Variants in POR observed in about 807,000 individuals in gnomAD.
POR encodes NADPH--cytochrome P450 reductase.
Under a neutral mutation model 84.0 loss-of-function variants are expected in POR, and 56 were observed. That is an observed-to-expected ratio of 0.67 (90% CI 0.54 to 0.83). The LOEUF (loss-of-function observed/expected upper bound fraction) is 0.83, where lower values mean the gene tolerates loss of function less well. Among genes scored for constraint, POR ranks in the 40% least tolerant of loss-of-function variants. POR has a pLI of 0.00. For missense variants in POR, 938 were observed against 944.3 expected, an observed-to-expected ratio of 0.99 and a Z score of 0.09; for synonymous variants, 414 against 400.5, an observed-to-expected ratio of 1.03 and a Z score of -0.40.
Position 75,985,715 on chromosome 7 carries a change from T to C in POR, c.1535T>C (p.Val512Ala), listed in dbSNP as rs1789403650. The C allele has an allele frequency of 5.7e-6, 9 of 1,587,568 alleles. No homozygotes were observed. The highest frequency in any genetic ancestry group is 7.7e-6 in the Non-Finnish European group (9 of 1,168,826). ...GGGGAGAACGGCGGCCGTGCGCTGG[T>C]GCCCATGTTCGTGCGCAAGTCCCAG... The change falls in exon 13 of 16, where the codon GTG becomes GCG. Residue 512 changes from valine to alanine, a missense_variant. Coordinates refer to ENST00000461988, the MANE Select transcript of POR (RefSeq NM_000941.3).
intron 3 of POR, among the ~76,000 whole-genome samples, chr7:75,973,958 G>C (rs782045795): frequency 1.3e-5 from 2 of 151,708 alleles, no homozygotes; most frequent in South Asian, 4.1e-4. Context: ...GATTACAGGC[G>C]TGAGCCACTG....
intron 1 of POR, among the ~76,000 whole-genome samples, chr7:75,949,549 G>A (rs1787322418): frequency 6.6e-6 from 1 of 151,372 alleles, no homozygotes; most frequent in South Asian, 2.1e-4. Flanking sequence ...CTGTTCTCCA[G>A]CACTCCAGGC....
chr7:75,986,113 G>A (rs781872825), intron 14 of POR, 45 bp downstream of exon 14: 15 of 1,581,598 alleles, frequency 9.5e-6, no homozygotes, highest in Middle Eastern at 1.7e-4. Context: ...AGGCTGGCAG[G>A]GCCACAGCCA....
chr7:75,952,780 C>A (rs548286889), intron 1 of POR, among the ~76,000 whole-genome samples: 3 of 151,676 alleles, frequency 2.0e-5, no homozygotes, highest in African/African-American at 7.3e-5. Flanking sequence ...GGAGAAGAGG[C>A]GCTCCTCACT....
At position 75,986,220 on chromosome 7, in the gene POR, G is replaced by C. The variant is rs1480320068; in HGVS notation, c.1877G>C (p.Gly626Ala). ...CACCTGTGGAAGTTGATCGAAGGCG[G>C]TGCCCACATCTACGTCTGTGGGTGA... The change falls in exon 15 of 16, where the codon GGT becomes GCT. Residue 626 changes from glycine (G) to alanine (A), a missense_variant. Coordinates refer to ENST00000461988, the MANE Select transcript of POR (RefSeq NM_000941.3). The C allele has an allele frequency of 6.2e-7, 1 of 1,612,700 alleles. No homozygotes were observed. The highest frequency in any genetic ancestry group is 2.2e-5 in the East Asian group (1 of 44,868).
rs540266795 is a variant in POR, at chr7:75,940,863, A to G, written c.-4-13126A>G. On this transcript the variant is annotated intron_variant, in intron 1 of 15. Transcript: ENST00000461988. ...CCTCAAGAAAAGACAAACACTATCA[A>G]CAACAAAGATGCAGGGGCCGGGTGT... Among the ~76,000 whole-genome samples, 6 of 152,172 alleles carry G rather than the reference A, an allele frequency of 3.9e-5. No individual in the cohort carries two copies. The East Asian group carries it at 1.2e-3, about 29-fold the overall frequency.
At position 75,985,862 on chromosome 7, in the gene POR, C is replaced by T; in HGVS notation, c.1669+13C>T. ...CTGCGACAGCAGGGTGAGTGGGGTC[C>T]CATGGGGGAGAGGGGGTGACGACTG... On this transcript the variant is annotated intron_variant, in intron 13 of 15. Coordinates refer to ENST00000461988, the MANE Select transcript of POR (RefSeq NM_000941.3). 1.3e-6 allele frequency: 2 copies of T among 1,549,938 alleles called. No homozygotes were observed. Among genetic ancestry groups the T allele is most frequent in the Non-Finnish European group, 8.7e-7 (1 of 1,144,294 alleles).
intron 1 of POR, among the ~76,000 whole-genome samples, chr7:75,930,500 T>TA (rs1417917402): frequency 6.6e-6 from 1 of 151,874 alleles, no homozygotes; most frequent in Non-Finnish European, 1.5e-5. Context: ...TAAAATAAAA[T>TA]AAATAAATAA....
chr7:75,954,248 T>C, intron 2 of POR, 68 bp downstream of exon 2: 9 of 1,467,696 alleles, frequency 6.1e-6, no homozygotes, highest in Non-Finnish European at 8.4e-6. Flanking sequence ...GTGTCCTGCA[T>C]GCGGGCCTCA....
chr7:75,972,535 C>T (rs782365894), intron 3 of POR, 74 bp downstream of exon 3: 31 of 1,380,856 alleles, frequency 2.2e-5, no homozygotes, highest in Middle Eastern at 3.5e-4. Context: ...GTCTAGCAGA[C>T]GGCTGGCGTC....
At chr7:75,951,424 G>T (rs1275359684) in intron 1 of POR, among the ~76,000 whole-genome samples, 1 of 152,028 alleles carries the variant, frequency 6.6e-6, no homozygotes, top group Non-Finnish European at 1.5e-5. Flanking sequence ...AAAGAAAAAA[G>T]CTAAATTGAG....
intron 1 of POR, chr7:75,943,705 A>G (rs1292258719): frequency 6.3e-6 from 2 of 315,724 alleles, no homozygotes; most frequent in African/African-American, 2.2e-5. Context: ...AATTCTTCAA[A>G]CTTGGTATTG....
chr7:75,953,937 A>G, intron 1 of POR, 52 bp from the exon 2 acceptor site: 2 of 1,434,876 alleles, frequency 1.4e-6, no homozygotes, highest in Non-Finnish European at 1.9e-6. Context: ...AGCCAGCCTC[A>G]GGGGCACCCT....
intron 2 of POR, among the ~76,000 whole-genome samples, chr7:75,959,710 C>T (rs369195736): frequency 2.0e-5 from 3 of 152,268 alleles, no homozygotes; most frequent in African/African-American, 2.4e-5. Context: ...TCCGCCTGGG[C>T]GTCCCAAAAT....
At chr7:75,983,442 C>A in intron 8 of POR, 78 bp from the exon 9 acceptor site, 3 of 1,017,188 alleles carry the variant, frequency 2.9e-6, no homozygotes, top group Non-Finnish European at 3.0e-6. Context: ...GTGCTTTGTG[C>A]AACCAGAAGC....
chr7:75,980,776 G>T, intron 5 of POR: 2 of 1,406,662 alleles, frequency 1.4e-6, no homozygotes, highest in Non-Finnish European at 9.4e-7. Context: ...GAGAGCTGGA[G>T]CCCCAGCCCG....
chr7:75,964,430 C>A (rs1259707579), intron 2 of POR, among the ~76,000 whole-genome samples: 2 of 152,152 alleles, frequency 1.3e-5, no homozygotes, highest in African/African-American at 4.8e-5. Flanking sequence ...GCTTCAGCCT[C>A]CCGAGTAGCT....
At chr7:75,952,246 C>T (rs1787466469) in intron 1 of POR, among the ~76,000 whole-genome samples, 1 of 146,772 alleles carries the variant, frequency 6.8e-6, no homozygotes, top group Non-Finnish European at 1.5e-5. Flanking sequence ...GGCTGACCCC[C>T]CCACCTCCCT....
intron 1 of POR, among the ~76,000 whole-genome samples, chr7:75,928,735 C>T (rs1373423539): frequency 6.6e-6 from 1 of 151,934 alleles, no homozygotes; most frequent in Non-Finnish European, 1.5e-5. Context: ...AGTGCTGTGG[C>T]CTGGAGGACT....
Sources: gnomAD v4.1 joint callset for allele counts (sites outside exome capture counted in the v4.1 genomes callset) on GRCh38, gnomAD v4.1.1 for gene constraint, MANE v1.5 for transcripts, NCBI Gene and HGNC (gene_info 2026-07-23, HGNC 2026-07-21) for gene names.